CSNK2A1: variants seen among roughly 807,000 people sequenced by gnomAD.
CSNK2A1 encodes the protein casein kinase 2 alpha 1, also known as casein kinase II subunit alpha.
In CSNK2A1, 10 loss-of-function variants were observed where a neutral mutation model predicts 62.9. The ratio of observed to expected loss-of-function variants is 0.16; its 90% CI spans 0.10 to 0.27. The LOEUF is 0.27. Ranked by LOEUF, CSNK2A1 falls within the 10% of genes least tolerant of loss-of-function variation. CSNK2A1 has a pLI of 1.00. For missense variants in CSNK2A1, 160 were observed against 492.0 expected, an observed-to-expected ratio of 0.33 and a Z score of 6.38; for synonymous variants, 124 against 167.8, an observed-to-expected ratio of 0.74 and a Z score of 2.02.
At chr20:531,795 G>A (rs1262618900) in intron 1 of CSNK2A1, among the ~76,000 whole-genome samples, 2 of 152,154 alleles carry the variant, frequency 1.3e-5, no homozygotes, top group Non-Finnish European at 2.9e-5. Context: ...TGAGACCCAA[G>A]CTTGATGAAT....
Position 477,784 on chromosome 20 carries a change from G to C in CSNK2A1, c.*6177C>G, listed in dbSNP as rs1190347355. On this transcript the variant is annotated 3_prime_UTR_variant, in exon 14 of 14. Coordinates refer to ENST00000217244, the MANE Select transcript of CSNK2A1 (RefSeq NM_177559.3). ...GGGCGGGCGGATCACCTGAGGTCGG[G>C]AGTTCGAGACCAGCCTGACCAACAT... is the stretch of plus-strand genomic sequence containing the variant. 1 of 152,302 alleles carries C rather than the reference G, an allele frequency of 6.6e-6. No homozygotes were observed. The highest frequency in any genetic ancestry group is 2.4e-5 in the African/African-American group (1 of 41,436). 9.4% of individuals were successfully genotyped at this position (152,302 alleles called of 1,614,324 possible).
chr20:503,832 T>C (rs1469684675), intron 4 of CSNK2A1: 1 of 396,712 alleles, frequency 2.5e-6, no homozygotes, highest in Non-Finnish European at 4.4e-6. Context: ...TTAACTTTTT[T>C]CTTTTAATTT....
At chr20:484,777 T>C (rs1391536284) in intron 13 of CSNK2A1, among the ~76,000 whole-genome samples, 1 of 151,474 alleles carries the variant, frequency 6.6e-6, no homozygotes, top group Non-Finnish European at 1.5e-5. Flanking sequence ...TTCAAAAAAG[T>C]ATACAAAGGC....
At chr20:484,741 A>C (rs1333214249) in intron 13 of CSNK2A1, among the ~76,000 whole-genome samples, 7 of 151,388 alleles carry the variant, frequency 4.6e-5, no homozygotes, top group Non-Finnish European at 1.0e-4. Flanking sequence ...CAGGTAATAC[A>C]TTCACATGGT....
chr20:492,121 C>T (rs2018248190), intron 9 of CSNK2A1, 133 bp downstream of exon 9: 1 of 649,168 alleles, frequency 1.5e-6, no homozygotes. Context: ...TTTTACATTT[C>T]ATATAAAAAG....
chr20:524,681 C>T (rs2019035945), intron 2 of CSNK2A1, among the ~76,000 whole-genome samples: 1 of 137,806 alleles, frequency 7.3e-6, no homozygotes, highest in African/African-American at 2.7e-5. Flanking sequence ...AGTGGGCACT[C>T]CAGCATGGGT....
intron 2 of CSNK2A1, among the ~76,000 whole-genome samples, chr20:516,615 T>A (rs996109429): frequency 6.6e-6 from 1 of 152,186 alleles, no homozygotes; most frequent in African/African-American, 2.4e-5. Flanking sequence ...TCTAATCTCT[T>A]ATGTTCAGTT....
At chr20:530,430 G>A (rs555055177) in intron 1 of CSNK2A1, among the ~76,000 whole-genome samples, 6 of 150,590 alleles carry the variant, frequency 4.0e-5, no homozygotes, top group South Asian at 2.1e-4. Flanking sequence ...AAATAATGTC[G>A]CTAGGTGCAT....
At chr20:530,468 C>CTTTTTTTTT (rs779710774) in intron 1 of CSNK2A1, among the ~76,000 whole-genome samples, 1 of 135,166 alleles carries the variant, frequency 7.4e-6, no homozygotes. Flanking sequence ...ACTTTTTTTC[C>CTTTTTTTTT]TTTTTTTTTT....
chr20:514,004 T>C (rs2018777583), intron 2 of CSNK2A1, among the ~76,000 whole-genome samples: 1 of 152,204 alleles, frequency 6.6e-6, no homozygotes, highest in Admixed American at 6.5e-5. Flanking sequence ...ACTGTGACTC[T>C]GTAATCTCAG....
intron 2 of CSNK2A1, among the ~76,000 whole-genome samples, chr20:511,578 C>A (rs985633289): frequency 1.3e-5 from 2 of 152,112 alleles, no homozygotes; most frequent in African/African-American, 4.8e-5. Context: ...TGGAATCAGA[C>A]AATATTTGTC....
At chr20:489,536 A>C in intron 10 of CSNK2A1, 1 of 427,992 alleles carries the variant, frequency 2.3e-6, no homozygotes, top group Non-Finnish European at 4.1e-6. Context: ...TTCTAAGGTA[A>C]TGTCCTATTT....
intron 2 of CSNK2A1, among the ~76,000 whole-genome samples, chr20:511,196 C>T (rs1481109730): frequency 6.6e-6 from 1 of 151,956 alleles, no homozygotes; most frequent in East Asian, 2.0e-4. Context: ...AAAAATTAGC[C>T]AGGTGTGATG....
At chr20:504,948 C>T (rs553648054) in intron 4 of CSNK2A1, 170 bp downstream of exon 4, 22 of 584,992 alleles carry the variant, frequency 3.8e-5, no homozygotes, top group Non-Finnish European at 5.5e-5. Context: ...TTCAGTTTCC[C>T]GATCTGTCAA....
chr20:499,331 A>C lies in CSNK2A1; in HGVS notation c.316-26T>G. 1.2e-6 allele frequency: 2 copies of C among 1,604,092 alleles called. No individual in the cohort carries two copies. Among genetic ancestry groups the C allele is most frequent in the Non-Finnish European group, 1.7e-6 (2 of 1,175,998 alleles). On this transcript the variant is annotated intron_variant, in intron 5 of 13. Coordinates refer to ENST00000217244, the MANE Select transcript of CSNK2A1 (RefSeq NM_177559.3). This position sits in a 1 kb window ranked among gnomAD's most constrained non-coding sequence, Gnocchi z 4.2. ...CTAGGGGAAAAGAACAAAAACAAAAACACACATTAGCAATAGCCCTGACAG... is the reference window on the plus strand; with the variant it reads ...CTAGGGGAAAAGAACAAAAACAAAACCACACATTAGCAATAGCCCTGACAG...
At chr20:497,855 C>A in intron 6 of CSNK2A1, 75 bp from the exon 7 acceptor site, 1 of 1,333,382 alleles carries the variant, frequency 7.5e-7, no homozygotes, top group Non-Finnish European at 1.1e-6. Flanking sequence ...CACAGTAATT[C>A]AAACCAAGAC....
Position 483,996 on chromosome 20 carries a change from T to A in CSNK2A1, c.1141A>T (p.Met381Leu). ...PVIAAANPLG[M>L]PVPAAAGAQQ is the part of the protein sequence containing the mutation. ...GCGCCAGCGGCAGCTGGAACAGGCA[T>A]CCCAAGGGGGTTGGCAGCAGCAATC... The change falls in exon 14 of 14, where the codon ATG becomes TTG. Residue 381 changes from methionine to leucine, a missense_variant. Physicochemically the swap from Met to Leu is conservative, Grantham distance 15 (BLOSUM62 2). Transcript: ENST00000217244. 2 of 1,612,356 alleles carry A rather than the reference T, an allele frequency of 1.2e-6. No homozygotes were observed. Among genetic ancestry groups the A allele is most frequent in the Non-Finnish European group, 8.5e-7 (1 of 1,179,234 alleles).
At chr20:497,953 G>A (rs1423407985) in intron 6 of CSNK2A1, 173 bp from the exon 7 acceptor site, 1 of 557,510 alleles carries the variant, frequency 1.8e-6, no homozygotes, top group Non-Finnish European at 3.2e-6. Context: ...GATACTTTGG[G>A]TCTTCAACTC....
chr20:505,667 T>TA (rs1336398171), intron 3 of CSNK2A1, among the ~76,000 whole-genome samples: 1 of 116,718 alleles, frequency 8.6e-6, no homozygotes, highest in Non-Finnish European at 1.7e-5. Flanking sequence ...TGGCCCATTG[T>TA]ATTTTTTTTT....
Sources: allele counts gnomAD v4.1 joint callset (sites outside exome capture counted in the v4.1 genomes callset), GRCh38; gene constraint gnomAD v4.1.1; non-coding constraint Gnocchi (gnomAD v3.1); transcripts MANE v1.5; gene names NCBI Gene and HGNC (gene_info 2026-07-23, HGNC 2026-07-21).